GUCY2F: variants seen among roughly 807,000 people sequenced by gnomAD.
The protein encoded by GUCY2F is guanylate cyclase 2F, retinal, also known as retinal guanylyl cyclase 2.
GUCY2F carries 61 observed loss-of-function variants against 73.1 expected under a neutral mutation model. The ratio of observed to expected loss-of-function variants is 0.83; its 90% CI spans 0.68 to 1.03. The LOEUF is 1.03. Ranked by LOEUF, GUCY2F falls within the 50% of genes least tolerant of loss-of-function variation. GUCY2F has a pLI of 0.00. For synonymous variants in GUCY2F, 331 were observed against 307.8 expected (o/e 1.08, Z -0.79); for missense variants, 912 against 854.3 (o/e 1.07, Z -0.84).
intron 15 of GUCY2F, among the ~76,000 whole-genome samples, chrX:109,385,997 T>C (rs1212732698): frequency 9.0e-6 from 1 of 110,851 alleles, no homozygotes; most frequent in East Asian, 2.8e-4. Context: ...ATAGGGGGTC[T>C]CACCATATTT....
rs1931585682 is a variant in GUCY2F at position 109,430,449 on chromosome X, T to C, written c.1702-53A>G. On this transcript the variant is annotated intron_variant, in intron 7 of 19. Coordinates refer to ENST00000218006, the MANE Select transcript of GUCY2F (RefSeq NM_001522.3). Reference sequence around the variant, plus strand: ...GTGATGAAACTTAGTTGCCAGCAGTTTTAGAAAAATGTCCCTTCCACATAA... The same window carrying C: ...GTGATGAAACTTAGTTGCCAGCAGTCTTAGAAAAATGTCCCTTCCACATAA... The C allele has an allele frequency of 8.9e-6, 6 of 671,376 alleles. No individual in the cohort carries two copies. The South Asian group carries it at 1.4e-4, about 15-fold the overall frequency. 55.3% of individuals were successfully genotyped at this position (671,376 alleles called of 1,213,427 possible). A position where few individuals can be genotyped will look rare whatever the true frequency, so the allele number is the denominator to read the frequency against.
intron 5 of GUCY2F, among the ~76,000 whole-genome samples, chrX:109,450,069 G>T (rs1932104680): frequency 9.0e-6 from 1 of 111,180 alleles, no homozygotes; most frequent in South Asian, 3.8e-4. Flanking sequence ...CAAAGAGGGG[G>T]TATCTTTTGT....
chrX:109,426,064 T>C (rs1931480030), intron 8 of GUCY2F, among the ~76,000 whole-genome samples: 1 of 112,054 alleles, frequency 8.9e-6, no homozygotes, highest in South Asian at 3.7e-4. Context: ...GGAAACAATA[T>C]ACTTTGCTGC....
At chrX:109,428,562 T>C (rs777041323) in intron 8 of GUCY2F, among the ~76,000 whole-genome samples, 1 of 112,315 alleles carries the variant, frequency 8.9e-6, no homozygotes, top group South Asian at 3.7e-4. Context: ...AAACTGAATG[T>C]GTGAGACTGG....
intron 1 of GUCY2F, among the ~76,000 whole-genome samples, chrX:109,479,321 T>TA (rs1356618442): frequency 8.9e-6 from 1 of 112,408 alleles, no homozygotes; most frequent in African/African-American, 3.2e-5. Context: ...TAAATTAGAA[T>TA]ACTAAGTGCA....
At chrX:109,455,742 T>C (rs959532822) in intron 3 of GUCY2F, among the ~76,000 whole-genome samples, 7 of 111,770 alleles carry the variant, frequency 6.3e-5, no homozygotes, top group African/African-American at 2.3e-4. Context: ...TTTGCTCTCA[T>C]GGCCTTAAGT....
Position 109,463,453 on chromosome X carries a change from T to TC in GUCY2F, c.1032+1688_1032+1689insG, listed in dbSNP as rs1368467462. On this transcript the variant is annotated intron_variant, in intron 3 of 19. Coordinates refer to ENST00000218006, the MANE Select transcript of GUCY2F (RefSeq NM_001522.3). ...TCACTCTTTTTTTTTTTTTTTTTTT[T>TC]TGGAGATGGAGTCTTGCTCTGTCGC... 2.0e-3 allele frequency among the ~76,000 whole-genome samples: 207 copies of TC among 103,034 alleles called. 1 individual carries two copies. Among genetic ancestry groups the TC allele is most frequent in the Non-Finnish European group, 3.7e-3 (185 of 50,155 alleles). The allele number at this position is 103,034 out of a possible 115,157, so 89.5% of individuals were successfully genotyped here. A position where few individuals can be genotyped will look rare whatever the true frequency, so the allele number is the denominator to read the frequency against.
chrX:109,385,052 C>G, intron 16 of GUCY2F, 132 bp downstream of exon 16: 1 of 402,992 alleles, frequency 2.5e-6, no homozygotes, highest in South Asian at 5.2e-5. Context: ...TTAATCTTCT[C>G]AAATTATCTT....
chrX:109,418,854 G>A (rs979770736), intron 8 of GUCY2F, among the ~76,000 whole-genome samples: 23 of 110,096 alleles, frequency 2.1e-4, no homozygotes, highest in African/African-American at 7.2e-4. Context: ...TCTCTAAGAA[G>A]ACTGATCAAG....
intron 7 of GUCY2F, among the ~76,000 whole-genome samples, chrX:109,436,846 T>A (rs1201849363): frequency 9.2e-6 from 1 of 108,745 alleles, no homozygotes; most frequent in East Asian, 2.9e-4. Context: ...AATGACGGGT[T>A]AATGGGTGCA....
chrX:109,373,942 G>A (rs1254397503), intron 19 of GUCY2F, among the ~76,000 whole-genome samples: 2 of 112,028 alleles, frequency 1.8e-5, no homozygotes, highest in Non-Finnish European at 3.8e-5. Flanking sequence ...CACCAAAGCT[G>A]TGCCCCCTTT....
At chrX:109,374,316 C>G (rs1011674539) in intron 19 of GUCY2F, among the ~76,000 whole-genome samples, 1 of 111,430 alleles carries the variant, frequency 9.0e-6, no homozygotes, top group African/African-American at 3.3e-5. Flanking sequence ...AGGCCAGGAC[C>G]AGGGATGGAT....
intron 8 of GUCY2F, among the ~76,000 whole-genome samples, chrX:109,428,234 G>A (rs1273414001): frequency 8.9e-6 from 1 of 112,114 alleles, no homozygotes; most frequent in Non-Finnish European, 1.9e-5. Context: ...GATAAATACA[G>A]TTACTCTCCA....
chrX:109,395,046 G>A (rs753563037), intron 12 of GUCY2F, among the ~76,000 whole-genome samples: 1 of 112,007 alleles, frequency 8.9e-6, no homozygotes, highest in Non-Finnish European at 1.9e-5. Context: ...ACAAATGCCT[G>A]ATGGTTCAAT....
rs563793199 is a variant in GUCY2F, at chrX:109,412,880, G to A, written c.1792-3712C>T. Among the ~76,000 whole-genome samples, 70 of 111,907 alleles carry A rather than the reference G, an allele frequency of 6.3e-4. No homozygotes were observed. In the South Asian group the frequency reaches 0.026, roughly 41 times the overall value. ...TATTTTCCCACTTCTATGGGTGAAT[G>A]CAGATGATGACACGGCCCTAAGACA... On this transcript the variant is annotated intron_variant, in intron 8 of 19. Transcript: ENST00000218006.
chrX:109,387,669 G>A (rs767729032), intron 15 of GUCY2F, among the ~76,000 whole-genome samples: 3 of 112,164 alleles, frequency 2.7e-5, no homozygotes, highest in Non-Finnish European at 5.6e-5. Context: ...TTATCAGACA[G>A]TGGTAGGAAA....
Position 109,475,587 on chromosome X carries a change from T to C in GUCY2F, c.350A>G (p.His117Arg). Residue 117 changes from histidine to arginine, a missense_variant, in exon 2 of 20, where the codon CAC becomes CGC. Physicochemically the swap from His to Arg is conservative, Grantham distance 29. Coordinates refer to ENST00000218006, the MANE Select transcript of GUCY2F (RefSeq NM_001522.3). ...SRALSSFISHHQMASGFIGPT... is the reference protein window; with the variant it reads ...SRALSSFISHRQMASGFIGPT... ...TCCAATAAATCCTGAGGCCATCTGG[T>C]GGTGGGAAATGAAACTGGAGAGAGC... The C allele has an allele frequency of 8.3e-7, 1 of 1,210,710 alleles. No homozygotes were observed. The highest frequency in any genetic ancestry group is 3.0e-5 in the East Asian group (1 of 33,815).
chrX:109,415,198 T>C (rs1318062983), intron 8 of GUCY2F, among the ~76,000 whole-genome samples: 1 of 111,967 alleles, frequency 8.9e-6, no homozygotes, highest in Non-Finnish European at 1.9e-5. Flanking sequence ...TTGTCAGCCA[T>C]TTTCTTCCCT....
chrX:109,383,647 C>T (rs974029739), intron 16 of GUCY2F, among the ~76,000 whole-genome samples: 5 of 111,774 alleles, frequency 4.5e-5, no homozygotes, highest in African/African-American at 1.6e-4. Context: ...AGAGCACACG[C>T]GTATACTTCT....
Sources: gnomAD v4.1 joint callset for allele counts (sites outside exome capture counted in the v4.1 genomes callset) on GRCh38, gnomAD v4.1.1 for gene constraint, MANE v1.5 for transcripts, NCBI Gene and HGNC (gene_info 2026-07-23, HGNC 2026-07-21) for gene names.